Variants in SF3A2 observed in about 807,000 individuals in gnomAD.
The protein encoded by SF3A2 is SAP 62.
A neutral mutation model predicts 31.1 loss-of-function variants in SF3A2; 5 were observed. That is an observed-to-expected ratio of 0.16 (90% confidence interval 0.08 to 0.34). The LOEUF (loss-of-function observed/expected upper bound fraction) is 0.34, where lower values mean the gene tolerates loss of function less well. SF3A2 is among the 10% of genes least tolerant of loss of function. The pLI is 1.00. For missense variants in SF3A2, 577 were observed against 643.9 expected, an observed-to-expected ratio of 0.90 and a Z score of 1.13; for synonymous variants, 365 against 263.7, an observed-to-expected ratio of 1.38 and a Z score of -3.72.
At chr19:2,247,102 C>T (rs1275520582) in intron 7 of SF3A2, 80 bp downstream of exon 7, 2 of 1,542,240 alleles carry the variant, frequency 1.3e-6, no homozygotes, top group Admixed American at 2.2e-5. Context: ...CAGGATGCCC[C>T]TCCCATCGGG....
rs2024926785 is a variant in SF3A2 at position 2,245,834 on chromosome 19, T to C, written c.355+279T>C. 1 of 476,756 alleles carries C rather than the reference T, an allele frequency of 2.1e-6. No individual in the cohort carries two copies. The highest frequency in any genetic ancestry group is 3.8e-5 in the East Asian group (1 of 26,362). The allele number at this position is 476,756 out of a possible 1,614,324, so 29.5% of individuals were successfully genotyped here. A position where few individuals can be genotyped will look rare whatever the true frequency, so the allele number is the denominator to read the frequency against. ...GTCTTGTGGAAGCTTCTGGGAATTC[T>C]TGCCAAGCAAAAGAGTGGAAGTGGA... On this transcript the variant is annotated intron_variant, in intron 5 of 8. Transcript: ENST00000221494. This position sits in a 1 kb window ranked among gnomAD's most constrained non-coding sequence, Gnocchi z 4.2.
chr19:2,242,431 G>A (rs970847522), intron 1 of SF3A2, among the ~76,000 whole-genome samples: 1 of 152,158 alleles, frequency 6.6e-6, no homozygotes, highest in African/African-American at 2.4e-5. Flanking sequence ...CACAGCCACA[G>A]CGCAGCCTCT....
chr19:2,246,862 AC>A lies in SF3A2; in HGVS notation c.406-17del. On this transcript the variant is annotated intron_variant, in intron 6 of 8. Transcript: ENST00000221494. This position sits in a 1 kb window ranked among gnomAD's most constrained non-coding sequence, Gnocchi z 5.5. Reference sequence around the variant, plus strand: ...AAGGCACCCAAGAGGCGGCTCTGCCACCCGGCCGTGTCCCTGCAGATTGACT... The same window carrying A: ...AAGGCACCCAAGAGGCGGCTCTGCCACCGGCCGTGTCCCTGCAGATTGACT... 6.2e-7 allele frequency: 1 copy of A among 1,612,814 alleles called. No individual in the cohort carries two copies. Among genetic ancestry groups the A allele is most frequent in the Non-Finnish European group, 8.5e-7 (1 of 1,179,648 alleles).
chr19:2,240,123 G>C (rs2024875767), intron 1 of SF3A2, among the ~76,000 whole-genome samples: 1 of 152,222 alleles, frequency 6.6e-6, no homozygotes, highest in African/African-American at 2.4e-5. Context: ...GACCCTGAAT[G>C]TCAGTATTTG....
At position 2,248,497 on chromosome 19, in the gene SF3A2, T is replaced by C; in HGVS notation, c.1346T>C (p.Leu449Pro). 9.9e-7 allele frequency: 1 copy of C among 1,010,538 alleles called. No individual in the cohort carries two copies. Among genetic ancestry groups the C allele is most frequent in the Non-Finnish European group, 1.2e-6 (1 of 811,558 alleles). 62.6% of individuals were successfully genotyped at this position (1,010,538 alleles called of 1,614,324 possible). A position where few individuals can be genotyped will look rare whatever the true frequency, so the allele number is the denominator to read the frequency against. ...TPMPPMLRPPLPSEGPGNIPP... is the reference protein window; with the variant it reads ...TPMPPMLRPPPPSEGPGNIPP... ...ATGCCCCCAATGCTGAGGCCCCCAC[T>C]TCCCTCCGAAGGCCCAGGGAACATA... is the stretch of plus-strand genomic sequence containing the variant. Residue 449 changes from leucine to proline, a missense_variant, in exon 9 of 9, where the codon CTT (leucine) becomes CCT (proline). Around this residue, in one of 6 missense-constraint regions of SF3A2, gnomAD observed 462 missense variants for 339.1 expected, o/e 1.36. Coordinates refer to ENST00000221494, the MANE Select transcript of SF3A2 (RefSeq NM_007165.5).
Position 2,246,954 on chromosome 19 carries a change from G to C in SF3A2, c.478G>C (p.Glu160Gln). Reference protein sequence around the residue: ...RFMSAYEQRIEPPDRRWQYLL... With the variant: ...RFMSAYEQRIQPPDRRWQYLL... ...CATGTCTGCGTACGAGCAGAGGATC[G>C]AGCCTCCGGACCGGCGCTGGCAGTA... Residue 160 changes from glutamate to glutamine, a missense_variant, in exon 7 of 9, where the codon GAG (glutamate) becomes CAG (glutamine). By Grantham distance (29) the Glu-to-Gln change is conservative. Around this residue, in one of 6 missense-constraint regions of SF3A2, gnomAD observed 37 missense variants for 85.0 expected, o/e 0.44. Transcript: ENST00000221494. This position sits in a 1 kb window ranked among gnomAD's most constrained non-coding sequence, Gnocchi z 5.5. 1 of 1,608,580 alleles carries C rather than the reference G, an allele frequency of 6.2e-7. No homozygotes were observed.
At position 2,245,280 on chromosome 19, in the gene SF3A2, C is replaced by T; in HGVS notation, c.246-166C>T. ...ATGACAGGAAGAGAACATGCCTGTC[C>T]TATCCCTGTCCTCAGCCAAACCCCA... On this transcript the variant is annotated intron_variant, in intron 4 of 8. Transcript: ENST00000221494. The surrounding 1 kb of genome is among the most constrained non-coding windows in gnomAD (Gnocchi z 4.2). 1.7e-6 allele frequency: 1 copy of T among 601,096 alleles called. No homozygotes were observed. The highest frequency in any genetic ancestry group is 3.0e-6 in the Non-Finnish European group (1 of 336,500). The allele number at this position is 601,096 out of a possible 1,614,324, so 37.2% of individuals were successfully genotyped here.
chr19:2,247,765 A>G lies in SF3A2; in HGVS notation c.616-2A>G. 6.2e-7 allele frequency: 1 copy of G among 1,611,728 alleles called. No homozygotes were observed. The highest frequency in any genetic ancestry group is 8.5e-7 in the Non-Finnish European group (1 of 1,179,410). ...CTGCTGAACCTTTCTCCGTCTCTCT[A>G]GTTCTTCCTCCAGTTCCACTTTAAG... On this transcript the variant is annotated splice_acceptor_variant, in intron 8 of 8. Transcript: ENST00000221494. LOFTEE classifies it high-confidence loss of function.
chr19:2,248,200 TCCAC>T lies in SF3A2; in HGVS notation c.1055_1058del (p.Pro352GlnfsTer93). On this transcript the variant is annotated frameshift_variant, in exon 9 of 9. Transcript: ENST00000221494. LOFTEE classifies it low-confidence loss of function (END_TRUNC). ...GGGGTTCACCCACCAGCCCCCGGAG[TCCAC>T]CCACCAGCCCCTGGGGTTCACCCAC... The T allele has an allele frequency of 7.6e-7, 1 of 1,321,514 alleles. No individual in the cohort carries two copies. The highest frequency in any genetic ancestry group is 9.9e-7 in the Non-Finnish European group (1 of 1,007,140). 81.9% of individuals were successfully genotyped at this position (1,321,514 alleles called of 1,614,324 possible). A position where few individuals can be genotyped will look rare whatever the true frequency, so the allele number is the denominator to read the frequency against.
intron 7 of SF3A2, 56 bp from the exon 8 acceptor site, chr19:2,247,538 A>C (rs1195261957): frequency 6.3e-7 from 1 of 1,581,746 alleles, no homozygotes; most frequent in African/African-American, 1.3e-5. Context: ...TCCCTGCCTG[A>C]TGGTCGCCCT....
At chr19:2,238,628 T>A (rs2024861386) in intron 1 of SF3A2, among the ~76,000 whole-genome samples, 1 of 152,270 alleles carries the variant, frequency 6.6e-6, no homozygotes, top group African/African-American at 2.4e-5. Flanking sequence ...CTTGTACCAT[T>A]CTATCTTCCC....
At chr19:2,240,148 G>C (rs970063081) in intron 1 of SF3A2, among the ~76,000 whole-genome samples, 1 of 152,202 alleles carries the variant, frequency 6.6e-6, no homozygotes, top group Admixed American at 6.5e-5. Context: ...CTCTTCCTCT[G>C]GCGCTGTTTC....
In SF3A2 at chr19:2,248,303, C is replaced by T. The variant is rs769245432; in HGVS notation, c.1152C>T (p.Pro384=). The T allele has an allele frequency of 6.2e-5, 87 of 1,394,014 alleles. No individual in the cohort carries two copies. The highest frequency in any genetic ancestry group is 7.9e-5 in the South Asian group (5 of 63,086). 86.4% of individuals were successfully genotyped at this position (1,394,014 alleles called of 1,614,324 possible). ...CCCCGGGGGTGCACCCAGCAGCCCC[C>T]GCCGTTCACCCTCAGGCCCCAGGGG... ...PQAPGVHPAA[P]AVHPQAPGVH... Residue 384 remains proline, a synonymous_variant, in exon 9 of 9, where the codon CCC becomes CCT. Transcript: ENST00000221494.
rs750105260 is a variant in SF3A2 at position 2,245,423 on chromosome 19, C to T, written c.246-23C>T. On this transcript the variant is annotated intron_variant, in intron 4 of 8. Coordinates refer to ENST00000221494, the MANE Select transcript of SF3A2 (RefSeq NM_007165.5). The surrounding 1 kb of genome is among the most constrained non-coding windows in gnomAD (Gnocchi z 4.2). ...GTGCCTGTGTGTGGAGGGGTCCCAG[C>T]AGCACCTCCATCCTGTCCGCAGGGC... is the stretch of plus-strand genomic sequence containing the variant. The T allele has an allele frequency of 6.5e-7, 1 of 1,528,082 alleles. No homozygotes were observed. Among genetic ancestry groups the T allele is most frequent in the South Asian group, 1.2e-5 (1 of 83,530 alleles). 94.7% of individuals were successfully genotyped at this position (1,528,082 alleles called of 1,614,324 possible).
Position 2,245,402 on chromosome 19 carries a change from C to G in SF3A2, c.246-44C>G. 1 of 1,437,560 alleles carries G rather than the reference C, an allele frequency of 7.0e-7. No homozygotes were observed. Among genetic ancestry groups the G allele is most frequent in the South Asian group, 1.2e-5 (1 of 81,714 alleles). The allele number at this position is 1,437,560 out of a possible 1,614,324, so 89.1% of individuals were successfully genotyped here. A position where few individuals can be genotyped will look rare whatever the true frequency, so the allele number is the denominator to read the frequency against. The stretch of plus-strand genomic sequence containing the variant: ...GCACCTGGGCCCATGGCTTTGGTGC[C>G]TGTGTGTGGAGGGGTCCCAGCAGCA... On this transcript the variant is annotated intron_variant, in intron 4 of 8. Coordinates refer to ENST00000221494, the MANE Select transcript of SF3A2 (RefSeq NM_007165.5). The surrounding 1 kb of genome is among the most constrained non-coding windows in gnomAD (Gnocchi z 4.2).
In SF3A2 at chr19:2,246,711, A is replaced by C. The variant is rs2024936485; in HGVS notation, c.356-42A>C. ...CCTGCCCCAGGTTCCTCAGCTTCGG[A>C]GAGGACAAGCAGCCGGGACCTGAGA... On this transcript the variant is annotated intron_variant, in intron 5 of 8. Coordinates refer to ENST00000221494, the MANE Select transcript of SF3A2 (RefSeq NM_007165.5). This position sits in a 1 kb window ranked among gnomAD's most constrained non-coding sequence, Gnocchi z 5.5. 6.2e-7 allele frequency: 1 copy of C among 1,612,516 alleles called. No individual in the cohort carries two copies.
chr19:2,241,426 G>T (rs1034036750), intron 1 of SF3A2, among the ~76,000 whole-genome samples: 4 of 152,178 alleles, frequency 2.6e-5, no homozygotes, highest in Non-Finnish European at 4.4e-5. Flanking sequence ...CCCCACGCAC[G>T]TCCCCTGATG....
In SF3A2 at chr19:2,246,583, C is replaced by T. The variant is rs1194583657; in HGVS notation, c.356-170C>T. Among the ~76,000 whole-genome samples, 1 of 152,158 alleles carries T rather than the reference C, an allele frequency of 6.6e-6. No individual in the cohort carries two copies. The highest frequency in any genetic ancestry group is 1.5e-5 in the Non-Finnish European group (1 of 68,026). ...CTCAGCTCTGGCGCACCTGTGCCTTCACCTATACCAGAATCCCAGAGCCTG... is the reference window on the plus strand; with the variant it reads ...CTCAGCTCTGGCGCACCTGTGCCTTTACCTATACCAGAATCCCAGAGCCTG... On this transcript the variant is annotated intron_variant, in intron 5 of 8. Coordinates refer to ENST00000221494, the MANE Select transcript of SF3A2 (RefSeq NM_007165.5). The surrounding 1 kb of genome is among the most constrained non-coding windows in gnomAD (Gnocchi z 5.5).
Position 2,246,724 on chromosome 19 carries a change from C to T in SF3A2, c.356-29C>T, listed in dbSNP as rs2024936712. The T allele has an allele frequency of 6.2e-7, 1 of 1,613,684 alleles. No homozygotes were observed. The highest frequency in any genetic ancestry group is 8.5e-7 in the Non-Finnish European group (1 of 1,179,854). On this transcript the variant is annotated intron_variant, in intron 5 of 8. Transcript: ENST00000221494. This position sits in a 1 kb window ranked among gnomAD's most constrained non-coding sequence, Gnocchi z 5.5. ...CCTCAGCTTCGGAGAGGACAAGCAG[C>T]CGGGACCTGAGAGCTTTCTGTGTTG...
Sources: allele counts gnomAD v4.1 joint callset (sites outside exome capture counted in the v4.1 genomes callset), GRCh38; gene constraint gnomAD v4.1.1; regional missense constraint gnomAD v4.1.1; non-coding constraint Gnocchi (gnomAD v3.1); transcripts MANE v1.5; gene names NCBI Gene and HGNC (gene_info 2026-07-23, HGNC 2026-07-21).